LRP1B: variants seen among roughly 807,000 people sequenced by gnomAD.
The protein encoded by LRP1B is LDL receptor related protein 1B, also known as low-density lipoprotein receptor-related protein 1B.
A neutral mutation model predicts 556.6 loss-of-function variants in LRP1B; 217 were observed. That is an observed-to-expected ratio of 0.39 (90% CI 0.35 to 0.44). The LOEUF (loss-of-function observed/expected upper bound fraction) is 0.44. Ranked by LOEUF, LRP1B falls within the 20% of genes least tolerant of loss-of-function variation. The probability of loss-of-function intolerance (pLI) is 1.00; values close to 1 mark genes in which losing one functional copy is unlikely to be tolerated. For synonymous variants in LRP1B, 2,047 were observed against 1,865.8 expected, an observed-to-expected ratio of 1.10 and a Z score of -2.50; for missense variants, 5,053 against 5,620.8, an observed-to-expected ratio of 0.90 and a Z score of 3.23.
intron 15 of LRP1B, among the ~76,000 whole-genome samples, chr2:140,996,688 A>C (rs1234718728): frequency 6.6e-6 from 1 of 151,978 alleles, no homozygotes; most frequent in Non-Finnish European, 1.5e-5. Flanking sequence ...CTTCAGGAAA[A>C]CCACATCCTT....
At chr2:141,362,281 C>T (rs960704304) in intron 3 of LRP1B, among the ~76,000 whole-genome samples, 1 of 152,136 alleles carries the variant, frequency 6.6e-6, no homozygotes, top group Non-Finnish European at 1.5e-5. Context: ...CTATCCTTTT[C>T]CAAAGAGATG....
chr2:140,945,421 A>G (rs917925133), intron 20 of LRP1B, among the ~76,000 whole-genome samples: 1 of 152,202 alleles, frequency 6.6e-6, no homozygotes, highest in Non-Finnish European at 1.5e-5. Flanking sequence ...AGCAAAAAGA[A>G]TATAGCTAGA....
chr2:142,074,806 C>T (rs747410904), intron 1 of LRP1B, among the ~76,000 whole-genome samples: 22 of 152,080 alleles, frequency 1.4e-4, no homozygotes, highest in Non-Finnish European at 2.8e-4. Flanking sequence ...CCCTCTCTCA[C>T]CTGTCCCATA....
At chr2:141,587,742 G>C (rs957963493) in intron 2 of LRP1B, among the ~76,000 whole-genome samples, 2 of 152,042 alleles carry the variant, frequency 1.3e-5, no homozygotes. Flanking sequence ...TACTTCAGTA[G>C]TTAACAAAAC....
chr2:141,539,499 T>C (rs1307084302), intron 2 of LRP1B, among the ~76,000 whole-genome samples: 2 of 152,192 alleles, frequency 1.3e-5, no homozygotes, highest in East Asian at 1.9e-4. Context: ...ACAAGGAAGT[T>C]TGTGCTCCTA....
intron 87 of LRP1B, among the ~76,000 whole-genome samples, chr2:140,240,167 A>G (rs1414287553): frequency 6.6e-6 from 1 of 150,774 alleles, no homozygotes; most frequent in Non-Finnish European, 1.5e-5. Context: ...AGTTAGCTTG[A>G]TTCCACAGAA....
At chr2:140,886,094 T>TA (rs745411651) in intron 24 of LRP1B, 44 bp downstream of exon 24, 17 of 1,260,756 alleles carry the variant, frequency 1.3e-5, no homozygotes, top group Non-Finnish European at 1.9e-5. Flanking sequence ...AATTTTCACT[T>TA]AAAAAAGTAA....
intron 3 of LRP1B, among the ~76,000 whole-genome samples, chr2:141,299,965 A>G (rs1175739733): frequency 1.3e-5 from 2 of 152,192 alleles, no homozygotes; most frequent in Non-Finnish European, 2.9e-5. Context: ...TTAGGACATG[A>G]GTCCTTTGGG....
At chr2:141,576,133 C>T (rs973545930) in intron 2 of LRP1B, among the ~76,000 whole-genome samples, 4 of 152,196 alleles carry the variant, frequency 2.6e-5, no homozygotes, top group African/African-American at 7.2e-5. Flanking sequence ...ACTATAAAGA[C>T]ACATGCACAC....
chr2:141,227,967 C>T (rs988412292), intron 6 of LRP1B, among the ~76,000 whole-genome samples: 2 of 152,130 alleles, frequency 1.3e-5, no homozygotes, highest in African/African-American at 4.8e-5. Context: ...GCTCTTGTCA[C>T]CCAGGTTGGA....
rs146802490 is a variant in LRP1B, at chr2:140,781,061, C to G, written c.5360-4823G>C. Among the ~76,000 whole-genome samples, 220 of 152,266 alleles carry G rather than the reference C, an allele frequency of 1.4e-3. 1 individual carries two copies. The highest frequency in any genetic ancestry group is 5.2e-3 in the African/African-American group (217 of 41,546). On this transcript the variant is annotated intron_variant, in intron 32 of 90. Transcript: ENST00000389484. Reference sequence around the variant, plus strand: ...TCTAAGAGTAGCACAAAACCACACTCTGTTCACACATAAAGTTTCTGAGCG... The same window carrying G: ...TCTAAGAGTAGCACAAAACCACACTGTGTTCACACATAAAGTTTCTGAGCG...
chr2:140,976,582 A>G (rs1001573713), intron 18 of LRP1B, among the ~76,000 whole-genome samples: 8 of 129,366 alleles, frequency 6.2e-5, no homozygotes, highest in Non-Finnish European at 1.1e-4. Flanking sequence ...ATCTCGGCTC[A>G]TTGCAACCTC....
At chr2:141,378,300 T>A (rs1689511584) in intron 3 of LRP1B, among the ~76,000 whole-genome samples, 1 of 152,110 alleles carries the variant, frequency 6.6e-6, no homozygotes, top group Non-Finnish European at 1.5e-5. Context: ...ACAAAGATTT[T>A]AAAGCAAAAT....
intron 3 of LRP1B, among the ~76,000 whole-genome samples, chr2:141,459,374 C>A (rs564478493): frequency 2.0e-5 from 3 of 152,118 alleles, no homozygotes; most frequent in African/African-American, 7.2e-5. Context: ...TGCTTCCTCA[C>A]GGATCCTGCT....
At chr2:140,836,256 T>C (rs926908712) in intron 31 of LRP1B, among the ~76,000 whole-genome samples, 1 of 152,220 alleles carries the variant, frequency 6.6e-6, no homozygotes, top group Non-Finnish European at 1.5e-5. Context: ...AGTTATATAC[T>C]ATTATCTCCA....
intron 3 of LRP1B, among the ~76,000 whole-genome samples, chr2:141,263,364 TAA>T (rs1684772119): frequency 6.6e-6 from 1 of 152,012 alleles, no homozygotes; most frequent in African/African-American, 2.4e-5. Flanking sequence ...TAAAGGATAA[TAA>T]AAGAAAACTA....
chr2:141,758,267 G>A (rs564117122), intron 2 of LRP1B, among the ~76,000 whole-genome samples: 1 of 152,152 alleles, frequency 6.6e-6, no homozygotes, highest in South Asian at 2.1e-4. Flanking sequence ...ATCACATACT[G>A]CTTTGTATAA....
At chr2:141,327,908 G>A (rs547527060) in intron 3 of LRP1B, among the ~76,000 whole-genome samples, 3 of 150,244 alleles carry the variant, frequency 2.0e-5, no homozygotes, top group South Asian at 4.2e-4. Flanking sequence ...GAGACAGACC[G>A]ACCGACCTAG....
At chr2:141,869,130 A>G (rs1280203877) in intron 1 of LRP1B, among the ~76,000 whole-genome samples, 1 of 152,118 alleles carries the variant, frequency 6.6e-6, no homozygotes, top group Non-Finnish European at 1.5e-5. Context: ...ATCCAATCCT[A>G]ATATTCTAGA....
Sources: gnomAD v4.1 joint callset for allele counts (sites outside exome capture counted in the v4.1 genomes callset) on GRCh38, gnomAD v4.1.1 for gene constraint, MANE v1.5 for transcripts, NCBI Gene and HGNC (gene_info 2026-07-23, HGNC 2026-07-21) for gene names.